The following TLK2 variants were observed in gnomAD, a reference collection of about 807,000 sequenced individuals.
The protein encoded by TLK2 is tousled like kinase 2.
In TLK2, 6 loss-of-function variants were observed where a neutral mutation model predicts 117.3. The ratio of observed to expected loss-of-function variants is 0.05; its 90% CI spans 0.03 to 0.10. TLK2 has a LOEUF of 0.10. Ranked by LOEUF, TLK2 falls within the 10% of genes least tolerant of loss-of-function variation. The pLI, the probability that TLK2 is intolerant of heterozygous loss-of-function variation, is 1.00. For synonymous variants in TLK2, 257 were observed against 316.7 expected, an observed-to-expected ratio of 0.81 and a Z score of 2.00; for missense variants, 299 against 901.2, an observed-to-expected ratio of 0.33 and a Z score of 8.56.
chr17:62,559,421 T>G (rs1361122275), intron 9 of TLK2, among the ~76,000 whole-genome samples: 4 of 151,490 alleles, frequency 2.6e-5, no homozygotes, highest in African/African-American at 9.7e-5. Context: ...CTCTGTCACC[T>G]AGGCTGGAGT....
intron 16 of TLK2, among the ~76,000 whole-genome samples, chr17:62,595,704 G>C (rs1317755287): frequency 6.6e-6 from 1 of 151,996 alleles, no homozygotes; most frequent in African/African-American, 2.4e-5. Context: ...TAAGAAAACT[G>C]GGGTTCCATA....
rs1462999868 is a variant in TLK2 at position 62,523,045 on chromosome 17, A to G, written c.224-89A>G. On this transcript the variant is annotated intron_variant, in intron 4 of 21. Transcript: ENST00000346027. ...CTGACACTTGGGTTTATAGCAATGTATGTAGTTACTGAATGTATAGTACAT... is the reference window on the plus strand; with the variant it reads ...CTGACACTTGGGTTTATAGCAATGTGTGTAGTTACTGAATGTATAGTACAT... 3.1e-6 allele frequency: 4 copies of G among 1,301,208 alleles called. No individual in the cohort carries two copies. In the East Asian group the frequency reaches 7.7e-5, roughly 25 times the overall value. 80.6% of individuals were successfully genotyped at this position (1,301,208 alleles called of 1,614,324 possible).
chr17:62,543,757 A>C (rs2077709033), intron 7 of TLK2, among the ~76,000 whole-genome samples: 1 of 152,180 alleles, frequency 6.6e-6, no homozygotes, highest in African/African-American at 2.4e-5. Flanking sequence ...TATGATTGGC[A>C]AAGGTTTTCT....
intron 13 of TLK2, among the ~76,000 whole-genome samples, chr17:62,578,241 A>T (rs1376378123): frequency 1.3e-5 from 2 of 152,122 alleles, no homozygotes; most frequent in African/African-American, 2.4e-5. Flanking sequence ...CATGGAGAGG[A>T]GGGAGGAGGA....
intron 14 of TLK2, 48 bp from the exon 15 acceptor site, chr17:62,580,063 G>C: frequency 6.6e-7 from 1 of 1,514,730 alleles, no homozygotes; most frequent in South Asian, 1.2e-5. Context: ...AAGCGTGGAA[G>C]ACTGTAGTCC....
At chr17:62,610,525 G>A (rs2083665178) in intron 21 of TLK2, among the ~76,000 whole-genome samples, 1 of 152,210 alleles carries the variant, frequency 6.6e-6, no homozygotes, top group Non-Finnish European at 1.5e-5. Flanking sequence ...TGAGGAGGTG[G>A]AAACCTCTTT....
At chr17:62,610,011 C>G (rs1453116146) in intron 21 of TLK2, among the ~76,000 whole-genome samples, 1 of 152,194 alleles carries the variant, frequency 6.6e-6, no homozygotes, top group Admixed American at 6.5e-5. Context: ...GCTAGCTGCT[C>G]TCACTACCCA....
At position 62,522,287 on chromosome 17, in the gene TLK2, C is replaced by A. The variant is rs780569693; in HGVS notation, c.223+14C>A. The A allele has an allele frequency of 1.1e-5, 17 of 1,607,038 alleles. No homozygotes were observed. The highest frequency in any genetic ancestry group is 1.4e-5 in the Non-Finnish European group (16 of 1,177,256). On this transcript the variant is annotated intron_variant, in intron 4 of 21. Coordinates refer to ENST00000346027, the MANE Select transcript of TLK2 (RefSeq NM_006852.6). ...AAACTAGCCAAGGTAGTAATAATTT[C>A]GTATCAACAAAAGTACTCAATTCTA... is the stretch of plus-strand genomic sequence containing the variant.
At position 62,579,339 on chromosome 17, in the gene TLK2, T is replaced by C. The variant is rs542320962; in HGVS notation, c.1286+765T>C. On this transcript the variant is annotated intron_variant, in intron 14 of 21. Coordinates refer to ENST00000346027, the MANE Select transcript of TLK2 (RefSeq NM_006852.6). ...TTAATACATTAATCAGAAAACAAGCTTAGAGAAATTAAATTAACTTGCCCA... is the reference window on the plus strand; with the variant it reads ...TTAATACATTAATCAGAAAACAAGCCTAGAGAAATTAAATTAACTTGCCCA... Among the ~76,000 whole-genome samples the C allele has an allele frequency of 5.8e-4, 88 of 152,240 alleles. 1 individual carries two copies. In the South Asian group the frequency reaches 6.2e-3, roughly 11 times the overall value.
chr17:62,517,418 G>A (rs1421298088), intron 2 of TLK2, among the ~76,000 whole-genome samples: 1 of 151,614 alleles, frequency 6.6e-6, no homozygotes, highest in Non-Finnish European at 1.5e-5. Context: ...ATTTTGAGAC[G>A]GAGTCTCGCT....
chr17:62,483,115 A>T (rs1336736238), intron 2 of TLK2, among the ~76,000 whole-genome samples: 1 of 152,216 alleles, frequency 6.6e-6, no homozygotes, highest in East Asian at 1.9e-4. Context: ...TGATCTCTAA[A>T]TGACCTCTGA....
At chr17:62,482,790 C>T (rs1201315412) in intron 2 of TLK2, among the ~76,000 whole-genome samples, 1 of 152,114 alleles carries the variant, frequency 6.6e-6, no homozygotes, top group African/African-American at 2.4e-5. Flanking sequence ...ATATTGAGCA[C>T]CTGCTGTATG....
At chr17:62,506,379 T>C (rs1416012090) in intron 2 of TLK2, among the ~76,000 whole-genome samples, 1 of 152,210 alleles carries the variant, frequency 6.6e-6, no homozygotes, top group Non-Finnish European at 1.5e-5. Flanking sequence ...TCTGCTTAGT[T>C]CTTTATAGTA....
intron 6 of TLK2, among the ~76,000 whole-genome samples, chr17:62,534,741 C>T (rs1296972671): frequency 1.3e-5 from 2 of 151,664 alleles, no homozygotes; most frequent in East Asian, 1.9e-4. Flanking sequence ...TTCATAATAA[C>T]GTTTAATATG....
intron 2 of TLK2, among the ~76,000 whole-genome samples, chr17:62,482,260 C>T (rs1387304531): frequency 6.6e-6 from 1 of 151,958 alleles, no homozygotes; most frequent in Non-Finnish European, 1.5e-5. Context: ...AGCTTTTGAT[C>T]TTTAACCAGT....
At chr17:62,586,304 T>C in intron 16 of TLK2, 78 bp downstream of exon 16, 1 of 1,005,692 alleles carries the variant, frequency 9.9e-7, no homozygotes. Flanking sequence ...AAGCTTTACG[T>C]GCATTGTTGT....
intron 10 of TLK2, among the ~76,000 whole-genome samples, chr17:62,563,178 A>G (rs993254923): frequency 6.6e-6 from 1 of 152,246 alleles, no homozygotes; most frequent in African/African-American, 2.4e-5. Flanking sequence ...AACAAAAGAC[A>G]CAGTTCCTGC....
rs1231685650 is a variant in TLK2, at chr17:62,537,822, A to G, written c.531+1485A>G. 2.6e-5 allele frequency among the ~76,000 whole-genome samples: 4 copies of G among 152,312 alleles called. 1 individual carries two copies. In the South Asian group the frequency reaches 8.3e-4, roughly 32 times the overall value. On this transcript the variant is annotated intron_variant, in intron 7 of 21. Transcript: ENST00000346027. ...GGGAAACTTCTTGTGTGAAGACAGT[A>G]TATCCTATCCCCAGGTAACAAAGGA...
chr17:62,492,685 G>A (rs1396607072), intron 2 of TLK2, among the ~76,000 whole-genome samples: 1 of 151,864 alleles, frequency 6.6e-6, no homozygotes, highest in Non-Finnish European at 1.5e-5. Flanking sequence ...TTGAACTCCT[G>A]ACCTCTCAGG....
Sources: gnomAD v4.1 joint callset for allele counts (sites outside exome capture counted in the v4.1 genomes callset) on GRCh38, gnomAD v4.1.1 for gene constraint, MANE v1.5 for transcripts, NCBI Gene and HGNC (gene_info 2026-07-23, HGNC 2026-07-21) for gene names.